PRICKLE2: variants seen among roughly 807,000 people sequenced by gnomAD.
The protein encoded by PRICKLE2 is prickle-like protein 2.
PRICKLE2 carries 21 observed loss-of-function variants against 81.4 expected under a neutral mutation model. The observed-to-expected ratio is 0.26, with a 90% CI of 0.18 to 0.37. The LOEUF (loss-of-function observed/expected upper bound fraction) is 0.37. Among genes scored for constraint, PRICKLE2 ranks in the 10% least tolerant of loss-of-function variants. PRICKLE2 has a pLI of 1.00. For synonymous variants in PRICKLE2, 456 were observed against 421.5 expected (o/e 1.08, Z -1.00); for missense variants, 940 against 1,109.0 (o/e 0.85, Z 2.16).
At chr3:64,192,262 C>T (rs572208858) in intron 2 of PRICKLE2, among the ~76,000 whole-genome samples, 2 of 152,302 alleles carry the variant, frequency 1.3e-5, no homozygotes, top group East Asian at 3.9e-4. Flanking sequence ...GGGTGCTGGC[C>T]ATGTGTCAGG....
intron 7 of PRICKLE2, among the ~76,000 whole-genome samples, chr3:64,117,373 T>C (rs908301249): frequency 1.3e-5 from 2 of 151,850 alleles, no homozygotes; most frequent in African/African-American, 2.4e-5. Flanking sequence ...GAGAAAGAAA[T>C]AAAAGGCACT....
At chr3:64,166,680 AC>A (rs2077838679) in intron 2 of PRICKLE2, among the ~76,000 whole-genome samples, 1 of 152,240 alleles carries the variant, frequency 6.6e-6, no homozygotes, top group Non-Finnish European at 1.5e-5. Context: ...TTAAGAACTT[AC>A]CTAGGTAGCA....
intron 2 of PRICKLE2, among the ~76,000 whole-genome samples, chr3:64,262,772 T>C (rs704413): frequency 1 from 152,232 of 152,282 alleles, 76,091 homozygotes; most frequent in Middle Eastern, 1. Context: ...AGGCAGAGGG[T>C]GACCTTGACA....
rs146291485 is a variant in PRICKLE2, at chr3:64,132,973, G to C, written c.1660+13857C>G. Reference sequence around the variant, plus strand: ...CATCTCTGGAAGACAACAGGGGTAGGAGTGGGAATGGAAATGGTGCTTTAT... The same window carrying C: ...CATCTCTGGAAGACAACAGGGGTAGCAGTGGGAATGGAAATGGTGCTTTAT... On this transcript the variant is annotated intron_variant, in intron 7 of 7. Coordinates refer to ENST00000638394, the MANE Select transcript of PRICKLE2 (RefSeq NM_198859.4). 3.3e-3 allele frequency among the ~76,000 whole-genome samples: 509 copies of C among 152,308 alleles called. 20 individuals are homozygous for C. The East Asian group carries it at 0.086, about 26-fold the overall frequency.
chr3:64,214,361 T>C (rs1051301919), intron 1 of PRICKLE2, among the ~76,000 whole-genome samples: 9 of 152,214 alleles, frequency 5.9e-5, no homozygotes, highest in African/African-American at 1.9e-4. Flanking sequence ...CAATGCTGGA[T>C]GTAAAGCCCC....
chr3:64,119,133 T>C (rs1393779324), intron 7 of PRICKLE2, among the ~76,000 whole-genome samples: 1 of 152,062 alleles, frequency 6.6e-6, no homozygotes, highest in East Asian at 1.9e-4. Context: ...GGAAATCAAA[T>C]ACTACATGTT....
At chr3:64,163,296 C>G (rs908254916) in intron 2 of PRICKLE2, 167 bp from the exon 3 acceptor site, 2 of 669,418 alleles carry the variant, frequency 3.0e-6, no homozygotes, top group East Asian at 2.7e-5. Flanking sequence ...CAGAGAAATT[C>G]ATCCTTAAAG....
At chr3:64,224,146 C>T (rs571045157) in intron 1 of PRICKLE2, among the ~76,000 whole-genome samples, 1 of 152,194 alleles carries the variant, frequency 6.6e-6, no homozygotes, top group Non-Finnish European at 1.5e-5. Context: ...GGATCGCTAA[C>T]CTCAGTGTGA....
At chr3:64,224,270 C>G (rs1371370999) in intron 1 of PRICKLE2, among the ~76,000 whole-genome samples, 1 of 152,144 alleles carries the variant, frequency 6.6e-6, no homozygotes, top group Non-Finnish European at 1.5e-5. Context: ...CATTGCAAGA[C>G]CCCCATGGCA....
At chr3:64,189,737 GACAATGTCCGTCTCTA>G (rs1021596716) in intron 2 of PRICKLE2, among the ~76,000 whole-genome samples, 19 of 152,232 alleles carry the variant, frequency 1.2e-4, no homozygotes, top group African/African-American at 4.3e-4. Context: ...TGGTGAATAA[GACAATGTCCGTCTCTA>G]ACAGACTCAC....
chr3:64,226,443 A>G (rs77200573), upstream of PRICKLE2, among the ~76,000 whole-genome samples: 5,463 of 152,262 alleles, frequency 0.036, 323 homozygotes, highest in African/African-American at 0.12. Flanking sequence ...GGGATCTTCA[A>G]TAACCTCATC....
chr3:64,261,963 G>T (rs915671170), intron 2 of PRICKLE2, among the ~76,000 whole-genome samples: 1 of 152,170 alleles, frequency 6.6e-6, no homozygotes, highest in Non-Finnish European at 1.5e-5. Flanking sequence ...AAAAATGATG[G>T]CAGCATGGAC....
At chr3:64,179,854 T>C (rs912599652) in intron 2 of PRICKLE2, among the ~76,000 whole-genome samples, 16 of 152,158 alleles carry the variant, frequency 1.1e-4, no homozygotes, top group Non-Finnish European at 1.5e-5. Context: ...AGGATTTAAA[T>C]TTAGGTCTGA....
chr3:64,121,148 C>T (rs139790926), intron 7 of PRICKLE2, among the ~76,000 whole-genome samples: 91 of 152,258 alleles, frequency 6.0e-4, no homozygotes, highest in African/African-American at 2.0e-3. Flanking sequence ...GGAGAGTCCT[C>T]CAGGGCCCTC....
chr3:64,237,783 T>C (rs1030512577), intron 2 of PRICKLE2, among the ~76,000 whole-genome samples: 1 of 152,178 alleles, frequency 6.6e-6, no homozygotes, highest in African/African-American at 2.4e-5. Flanking sequence ...AAGGAGACAG[T>C]AGCCATGAAG....
At position 64,146,635 on chromosome 3, in the gene PRICKLE2, C is replaced by G; in HGVS notation, c.1660+195G>C. The G allele has an allele frequency of 5.0e-6, 3 of 596,570 alleles. No individual in the cohort carries two copies. In the South Asian group the frequency reaches 6.1e-5, roughly 12 times the overall value. 37.0% of individuals were successfully genotyped at this position (596,570 alleles called of 1,614,324 possible). ...GCGGGCACCTGTAGTCCCAACTACT[C>G]GTGAGGCTGAGGCAGGAGAATGGCG... is the stretch of plus-strand genomic sequence containing the variant. On this transcript the variant is annotated intron_variant, in intron 7 of 7. Coordinates refer to ENST00000638394, the MANE Select transcript of PRICKLE2 (RefSeq NM_198859.4).
Position 64,134,855 on chromosome 3 carries a change from T to C in PRICKLE2, c.1660+11975A>G, listed in dbSNP as rs543180565. ...CAGTCAGTTTCCTCTCCTCTCTCATTTCCAGCTATGAGCTCAATCTGTTTC... is the reference window on the plus strand; with the variant it reads ...CAGTCAGTTTCCTCTCCTCTCTCATCTCCAGCTATGAGCTCAATCTGTTTC... On this transcript the variant is annotated intron_variant, in intron 7 of 7. Transcript: ENST00000638394. Among the ~76,000 whole-genome samples the C allele has an allele frequency of 2.2e-4, 34 of 152,340 alleles. 1 individual carries two copies. The highest frequency in any genetic ancestry group is 7.2e-4 in the African/African-American group (30 of 41,572).
Position 64,150,118 on chromosome 3 carries a change from G to C in PRICKLE2, c.788-2416C>G, listed in dbSNP as rs561711087. Among the ~76,000 whole-genome samples the C allele has an allele frequency of 2.6e-5, 4 of 152,152 alleles. No individual in the cohort carries two copies. In the South Asian group the frequency reaches 8.3e-4, roughly 32 times the overall value. On this transcript the variant is annotated intron_variant, in intron 6 of 7. Transcript: ENST00000638394. ...ACACTTCCTCCCCAGACCCTTGGGA[G>C]AAAGCTGAGGCAGACATCACAGGGA...
chr3:64,151,262 TA>T (rs1179736636), intron 6 of PRICKLE2, among the ~76,000 whole-genome samples: 7 of 152,234 alleles, frequency 4.6e-5, no homozygotes, highest in African/African-American at 1.4e-4. Flanking sequence ...AAAGTGGATT[TA>T]AAACAAACAT....
Sources: gnomAD v4.1 joint callset for allele counts (sites outside exome capture counted in the v4.1 genomes callset) on GRCh38, gnomAD v4.1.1 for gene constraint, MANE v1.5 for transcripts, NCBI Gene and HGNC (gene_info 2026-07-23, HGNC 2026-07-21) for gene names.